The following SNTB1 variants were observed in gnomAD, a reference collection of about 807,000 sequenced individuals.
SNTB1 encodes the protein syntrophin beta 1, also known as beta-1-syntrophin.
A neutral mutation model predicts 48.9 loss-of-function variants in SNTB1; 36 were observed. The observed-to-expected ratio is 0.74, with a 90% CI of 0.56 to 0.97. The LOEUF is 0.97. Among genes scored for constraint, SNTB1 ranks in the 50% least tolerant of loss-of-function variants. The pLI, the probability that SNTB1 is intolerant of heterozygous loss-of-function variation, is 0.00. For synonymous variants in SNTB1, 299 were observed against 294.6 expected (o/e 1.01, Z -0.15); for missense variants, 786 against 703.4 (o/e 1.12, Z -1.33).
chr8:120,600,265 C>T (rs770083255), intron 3 of SNTB1, among the ~76,000 whole-genome samples: 6 of 152,334 alleles, frequency 3.9e-5, no homozygotes, highest in South Asian at 4.1e-4. Context: ...TGGAACACTG[C>T]GCCCCTGGGA....
chr8:120,793,375 G>A (rs1820070093), intron 1 of SNTB1, among the ~76,000 whole-genome samples: 1 of 152,084 alleles, frequency 6.6e-6, no homozygotes, highest in Non-Finnish European at 1.5e-5. Flanking sequence ...TCAAAAGCAA[G>A]TTTTCTGAAA....
At chr8:120,617,681 A>T (rs537383807) in intron 3 of SNTB1, among the ~76,000 whole-genome samples, 13 of 152,290 alleles carry the variant, frequency 8.5e-5, no homozygotes, top group African/African-American at 2.6e-4. Flanking sequence ...GGTGGGCATA[A>T]TAGCGTGTCC....
At chr8:120,684,968 T>G (rs922135793) in intron 2 of SNTB1, among the ~76,000 whole-genome samples, 1 of 152,224 alleles carries the variant, frequency 6.6e-6, no homozygotes, top group African/African-American at 2.4e-5. Context: ...AATTGAATCT[T>G]AATTCTCCAG....
intron 4 of SNTB1, among the ~76,000 whole-genome samples, chr8:120,549,723 C>T (rs1815446844): frequency 6.6e-6 from 1 of 152,218 alleles, no homozygotes; most frequent in Admixed American, 6.5e-5. Context: ...GGGGCTAGGT[C>T]CTACTTCTCA....
At position 120,538,839 on chromosome 8, in the gene SNTB1, G is replaced by T. The variant is rs1339959362; in HGVS notation, c.*38C>A. On this transcript the variant is annotated 3_prime_UTR_variant, in exon 7 of 7. Transcript: ENST00000517992. ...TGACATCACGTTCTCTGGTGGCATT[G>T]CAGCCCTTCTTTTCTCAAAGGCAAG... is the stretch of plus-strand genomic sequence containing the variant. 6.6e-7 allele frequency: 1 copy of T among 1,520,118 alleles called. No homozygotes were observed. The highest frequency in any genetic ancestry group is 1.4e-5 in the African/African-American group (1 of 72,952). 94.2% of individuals were successfully genotyped at this position (1,520,118 alleles called of 1,614,324 possible). A position where few individuals can be genotyped will look rare whatever the true frequency, so the allele number is the denominator to read the frequency against.
chr8:120,577,435 C>A (rs1815968246), intron 3 of SNTB1, among the ~76,000 whole-genome samples: 1 of 152,128 alleles, frequency 6.6e-6, no homozygotes, highest in African/African-American at 2.4e-5. Flanking sequence ...TTAGAGAAGG[C>A]AATGTACCAG....
intron 3 of SNTB1, among the ~76,000 whole-genome samples, chr8:120,621,633 A>T (rs1230512484): frequency 6.6e-6 from 1 of 152,228 alleles, no homozygotes; most frequent in Non-Finnish European, 1.5e-5. Context: ...AAACAAGTGT[A>T]GTAATAGGCA....
At chr8:120,790,259 G>A (rs2130151137) in intron 1 of SNTB1, among the ~76,000 whole-genome samples, 1 of 151,972 alleles carries the variant, frequency 6.6e-6, no homozygotes, top group South Asian at 2.1e-4. Context: ...ATCCATATAT[G>A]ACAAACCCAT....
chr8:120,539,297 AGTATGAAG>A (rs1815248016), intron 6 of SNTB1, among the ~76,000 whole-genome samples: 2 of 51,304 alleles, frequency 3.9e-5, no homozygotes, highest in African/African-American at 6.5e-4. Context: ...GATTTGACAC[AGTATGAAG>A]CAGTACTAAA....
rs1325358736 is a variant in SNTB1 at position 120,575,091 on chromosome 8, G to A, written c.1131C>T (p.Ala377=). The change falls in exon 4 of 7, where the codon GCC becomes GCT. Residue 377 remains alanine, a synonymous_variant. Transcript: ENST00000517992. ...AAACACAAGGCCATGGCTACCTGGT[G>A]GCAAGAAGAGGGTATGTGTGAACTG... The part of the protein sequence containing the change: ...FSPVHTYPLL[A]TRLVHSGPGK... 1.4e-5 allele frequency: 23 copies of A among 1,614,082 alleles called. No homozygotes were observed. The highest frequency in any genetic ancestry group is 1.9e-5 in the Non-Finnish European group (22 of 1,180,022).
chr8:120,669,695 A>G (rs1395057528), intron 2 of SNTB1, among the ~76,000 whole-genome samples: 2 of 35,814 alleles, frequency 5.6e-5, no homozygotes, highest in African/African-American at 1.3e-3. Flanking sequence ...CTCGTGATCC[A>G]CCCGCCTTGG....
At chr8:120,714,791 G>A (rs1818528734) in intron 1 of SNTB1, among the ~76,000 whole-genome samples, 1 of 152,196 alleles carries the variant, frequency 6.6e-6, no homozygotes, top group East Asian at 1.9e-4. Context: ...TTAGAGGAAG[G>A]TATAGAAGAA....
In SNTB1 at chr8:120,745,027, G is replaced by C. The variant is rs1261875346; in HGVS notation, c.572-51119C>G. ...TGACCTCTGTGGGCTTCATTAACCA[G>C]TCTTGCTTGTCCTCTGACTTCTATT... On this transcript the variant is annotated intron_variant, in intron 1 of 6. Transcript: ENST00000517992. Among the ~76,000 whole-genome samples the C allele has an allele frequency of 2.0e-5, 3 of 151,824 alleles. No homozygotes were observed. The East Asian group carries it at 5.8e-4, about 29-fold the overall frequency.
At chr8:120,713,118 G>T (rs113351713) in intron 1 of SNTB1, among the ~76,000 whole-genome samples, 1 of 152,072 alleles carries the variant, frequency 6.6e-6, no homozygotes, top group Admixed American at 6.5e-5. Flanking sequence ...ACGATCATCT[G>T]GGTTGAGGTT....
intron 4 of SNTB1, among the ~76,000 whole-genome samples, chr8:120,557,553 A>T (rs1368345818): frequency 6.6e-6 from 1 of 152,172 alleles, no homozygotes; most frequent in Non-Finnish European, 1.5e-5. Context: ...CAGCAAAGTG[A>T]TCTACTGGAG....
chr8:120,607,341 T>C (rs1220324952), intron 3 of SNTB1, among the ~76,000 whole-genome samples: 1 of 152,220 alleles, frequency 6.6e-6, no homozygotes, highest in African/African-American at 2.4e-5. Context: ...TCTATAAATT[T>C]AATGCAATCC....
intron 3 of SNTB1, among the ~76,000 whole-genome samples, chr8:120,612,113 C>T (rs557218138): frequency 1.3e-5 from 2 of 152,294 alleles, no homozygotes; most frequent in Admixed American, 6.5e-5. Flanking sequence ...TGGCACTGAA[C>T]AGTGAGCCTT....
At chr8:120,769,086 C>T (rs1268271408) in intron 1 of SNTB1, 1 of 152,214 alleles carries the variant, frequency 6.6e-6, no homozygotes, top group Non-Finnish European at 1.5e-5. Context: ...TCTCTCAGTT[C>T]CAGACAAGGC....
intron 4 of SNTB1, among the ~76,000 whole-genome samples, chr8:120,550,542 TAA>T (rs11445916): frequency 0.02 from 2,554 of 126,608 alleles, 83 homozygotes; most frequent in African/African-American, 0.07. Flanking sequence ...ACTCTGTCTT[TAA>T]AAAAAAAAAA....
Sources: allele counts gnomAD v4.1 joint callset (sites outside exome capture counted in the v4.1 genomes callset), GRCh38; gene constraint gnomAD v4.1.1; transcripts MANE v1.5; gene names NCBI Gene and HGNC (gene_info 2026-07-23, HGNC 2026-07-21).